PXDNL: variants seen among roughly 807,000 people sequenced by gnomAD.
PXDNL encodes the protein probable oxidoreductase PXDNL.
PXDNL carries 145 observed loss-of-function variants against 150.8 expected under a neutral mutation model. The observed-to-expected ratio is 0.96, with a 90% CI of 0.84 to 1.10. The LOEUF is 1.10. Ranked by LOEUF, PXDNL falls within the 50% of genes least tolerant of loss-of-function variation. PXDNL has a pLI of 0.00. For synonymous variants in PXDNL, 757 were observed against 725.7 expected, an observed-to-expected ratio of 1.04 and a Z score of -0.69; for missense variants, 2,087 against 1,873.9, an observed-to-expected ratio of 1.11 and a Z score of -2.10.
intron 16 of PXDNL, 35 bp from the exon 17 acceptor site, chr8:51,409,596 G>A (rs749029852): frequency 8.7e-6 from 13 of 1,501,154 alleles, no homozygotes; most frequent in Non-Finnish European, 1.2e-5. Context: ...TGAGGAGGGC[G>A]GGCCTGGGAG....
intron 2 of PXDNL, among the ~76,000 whole-genome samples, chr8:51,623,527 A>G (rs918815601): frequency 6.6e-6 from 1 of 152,174 alleles, no homozygotes; most frequent in African/African-American, 2.4e-5. Context: ...ACATTATCAT[A>G]TTAGCATGTA....
intron 2 of PXDNL, among the ~76,000 whole-genome samples, chr8:51,624,321 G>A (rs1007919480): frequency 7.2e-5 from 11 of 151,962 alleles, no homozygotes; most frequent in Non-Finnish European, 1.3e-4. Flanking sequence ...AACCCAAGGT[G>A]GGGAGAAAAT....
At chr8:51,419,471 T>C (rs903092902) in intron 14 of PXDNL, among the ~76,000 whole-genome samples, 7 of 152,236 alleles carry the variant, frequency 4.6e-5, no homozygotes, top group Non-Finnish European at 1.0e-4. Flanking sequence ...TTCAGGTCCA[T>C]CTTTTTAAAA....
intron 8 of PXDNL, among the ~76,000 whole-genome samples, chr8:51,461,054 T>A (rs1410467702): frequency 6.6e-6 from 1 of 151,974 alleles, no homozygotes; most frequent in Admixed American, 6.6e-5. Flanking sequence ...CTACCCAGGG[T>A]GAGTGCTTTG....
chr8:51,611,956 G>C (rs1057490465), intron 2 of PXDNL, among the ~76,000 whole-genome samples: 1 of 152,248 alleles, frequency 6.6e-6, no homozygotes, highest in Admixed American at 6.5e-5. Context: ...GGGTAGGGAG[G>C]AAGCCAGAGG....
intron 4 of PXDNL, among the ~76,000 whole-genome samples, chr8:51,504,955 A>C (rs531565861): frequency 2.6e-5 from 4 of 152,368 alleles, no homozygotes; most frequent in Admixed American, 2.6e-4. Context: ...GAACCATCCC[A>C]AACATTTACA....
chr8:51,354,339 T>C (rs896764380), intron 19 of PXDNL, among the ~76,000 whole-genome samples: 4 of 152,110 alleles, frequency 2.6e-5, no homozygotes, highest in Non-Finnish European at 4.4e-5. Flanking sequence ...CACAAACAAA[T>C]GGACAATTAC....
chr8:51,563,279 G>A (rs781150547), intron 3 of PXDNL, among the ~76,000 whole-genome samples: 63 of 151,964 alleles, frequency 4.1e-4, no homozygotes, highest in Admixed American at 1.1e-3. Context: ...GGCACTGTTT[G>A]GTTTCTGAAG....
intron 8 of PXDNL, among the ~76,000 whole-genome samples, chr8:51,463,667 T>C (rs1489500075): frequency 6.6e-6 from 1 of 152,182 alleles, no homozygotes; most frequent in East Asian, 1.9e-4. Flanking sequence ...ATATACTTTC[T>C]TCTCATCTGT....
At chr8:51,511,734 T>TC (rs753349623) in intron 4 of PXDNL, among the ~76,000 whole-genome samples, 16 of 151,304 alleles carry the variant, frequency 1.1e-4, no homozygotes, top group Non-Finnish European at 2.1e-4. Flanking sequence ...TCAAATGCAC[T>TC]CCCCCCTTTC....
intron 15 of PXDNL, among the ~76,000 whole-genome samples, chr8:51,412,717 G>A (rs1298542605): frequency 6.6e-6 from 1 of 152,174 alleles, no homozygotes. Context: ...ACTAGTCCAT[G>A]AACATTCCAA....
chr8:51,452,711 A>G (rs1363276616), intron 10 of PXDNL, among the ~76,000 whole-genome samples: 1 of 152,234 alleles, frequency 6.6e-6, no homozygotes, highest in Non-Finnish European at 1.5e-5. Flanking sequence ...AAATCTTAAA[A>G]TAATGAAACT....
chr8:51,445,959 T>C (rs546144646), intron 12 of PXDNL, among the ~76,000 whole-genome samples: 6 of 151,476 alleles, frequency 4.0e-5, no homozygotes, highest in South Asian at 2.1e-4. Context: ...CAATCCTTTT[T>C]CCCCCCCGTA....
At chr8:51,637,539 A>G (rs1391912870) in intron 2 of PXDNL, among the ~76,000 whole-genome samples, 1 of 152,232 alleles carries the variant, frequency 6.6e-6, no homozygotes, top group Non-Finnish European at 1.5e-5. Flanking sequence ...ATTGCACAAG[A>G]ACTACATAAT....
chr8:51,429,812 T>G (rs2129789735), intron 12 of PXDNL, among the ~76,000 whole-genome samples: 1 of 152,116 alleles, frequency 6.6e-6, no homozygotes, highest in African/African-American at 2.4e-5. Context: ...AAAAAAATTA[T>G]AGTAAACATG....
chr8:51,760,191 T>TA lies in PXDNL; in HGVS notation c.164+48989dup. Among the ~76,000 whole-genome samples, 2 of 152,260 alleles carry TA rather than the reference T, an allele frequency of 1.3e-5. 1 individual carries two copies. The highest frequency in any genetic ancestry group is 6.8e-3 in the Middle Eastern group (2 of 294). ...TCTCATTCTTAACAAGTTTAAAGAGTAAAAGTATATATTAATACTTACACA... is the reference window on the plus strand; with the variant it reads ...TCTCATTCTTAACAAGTTTAAAGAGTAAAAAGTATATATTAATACTTACACA... On this transcript the variant is annotated intron_variant, in intron 1 of 22. Transcript: ENST00000356297.
At chr8:51,326,294 T>A (rs1805484143) in intron 21 of PXDNL, among the ~76,000 whole-genome samples, 1 of 152,142 alleles carries the variant, frequency 6.6e-6, no homozygotes, top group South Asian at 2.1e-4. Flanking sequence ...GGTCAGGATT[T>A]CAAGACCAGC....
chr8:51,538,252 T>A (rs1354089092), intron 4 of PXDNL, among the ~76,000 whole-genome samples: 1 of 152,242 alleles, frequency 6.6e-6, no homozygotes, highest in Non-Finnish European at 1.5e-5. Flanking sequence ...ACAATTTAGA[T>A]AACTAAAATT....
intron 12 of PXDNL, among the ~76,000 whole-genome samples, chr8:51,442,151 C>T (rs529654860): frequency 6.6e-6 from 1 of 152,024 alleles, no homozygotes; most frequent in South Asian, 2.1e-4. Flanking sequence ...TATTGAGTTG[C>T]TTTCTTTACT....
Sources: allele counts gnomAD v4.1 joint callset (sites outside exome capture counted in the v4.1 genomes callset), GRCh38; gene constraint gnomAD v4.1.1; transcripts MANE v1.5; gene names NCBI Gene and HGNC (gene_info 2026-07-23, HGNC 2026-07-21).